The following ERG variants were observed in gnomAD, a reference collection of about 807,000 sequenced individuals.
ERG encodes ETS transcription factor ERG, also known as transcriptional regulator ERG.
A neutral mutation model predicts 55.3 loss-of-function variants in ERG; 9 were observed. The observed-to-expected ratio is 0.16, with a 90% CI of 0.10 to 0.28. The LOEUF (loss-of-function observed/expected upper bound fraction) is 0.28, where lower values mean the gene tolerates loss of function less well. ERG is among the 10% of genes least tolerant of loss of function. The probability of loss-of-function intolerance (pLI) is 1.00; values close to 1 mark genes in which losing one functional copy is unlikely to be tolerated. For synonymous variants in ERG, 223 were observed against 237.3 expected (o/e 0.94, Z 0.55); for missense variants, 434 against 631.6 (o/e 0.69, Z 3.35).
chr21:38,494,317 G>C (rs1477699136), intron 1 of ERG, among the ~76,000 whole-genome samples: 3 of 152,318 alleles, frequency 2.0e-5, no homozygotes, highest in Middle Eastern at 6.8e-3. Flanking sequence ...GAACAGCCTG[G>C]AGACTGTCCC....
chr21:38,373,338 A>G, the ERG span, among the ~76,000 whole-genome samples: 1 of 152,202 alleles, frequency 6.6e-6, no homozygotes, highest in South Asian at 2.1e-4. Flanking sequence ...AAATTTCCCC[A>G]AGAACTTTGA....
Position 38,405,888 on chromosome 21 carries a change from C to T in ERG, c.389-2179G>A, listed in dbSNP as rs1318778026. Among the ~76,000 whole-genome samples, 4 of 152,180 alleles carry T rather than the reference C, an allele frequency of 2.6e-5. No homozygotes were observed. The East Asian group carries it at 7.7e-4, about 29-fold the overall frequency. On this transcript the variant is annotated intron_variant, in intron 3 of 9. Coordinates refer to ENST00000288319, the MANE Select transcript of ERG (RefSeq NM_182918.4). ...AGTGCACAGGCCAGGCGCGGTGGCTCACGCCTGTAATCCCAGCACTTTGGG... is the reference window on the plus strand; with the variant it reads ...AGTGCACAGGCCAGGCGCGGTGGCTTACGCCTGTAATCCCAGCACTTTGGG...
upstream of ERG, among the ~76,000 whole-genome samples, chr21:38,586,832 C>A (rs2060068617): frequency 6.6e-6 from 1 of 152,174 alleles, no homozygotes. Context: ...AAAGAGGTAC[C>A]AGCCCTCCCA....
At chr21:38,482,867 G>A (rs985732938) in intron 1 of ERG, among the ~76,000 whole-genome samples, 5 of 151,998 alleles carry the variant, frequency 3.3e-5, no homozygotes, top group Non-Finnish European at 5.9e-5. Context: ...TAGTAGAGAC[G>A]GGCTTTCACC....
chr21:38,507,182 T>G (rs1343078247), intron 2 of ERG, among the ~76,000 whole-genome samples: 6 of 152,096 alleles, frequency 3.9e-5, no homozygotes, highest in Non-Finnish European at 2.9e-5. Flanking sequence ...GGACCCTGAG[T>G]GCAGGGCTAA....
chr21:38,450,275 G>A (rs923456863), intron 1 of ERG, among the ~76,000 whole-genome samples: 2 of 152,036 alleles, frequency 1.3e-5, no homozygotes, highest in African/African-American at 4.8e-5. Flanking sequence ...CTACTCAAGA[G>A]GGTGAGGCAG....
chr21:38,653,935 T>C (rs1296467477), intron 1 of ERG, among the ~76,000 whole-genome samples: 1 of 152,260 alleles, frequency 6.6e-6, no homozygotes, highest in Non-Finnish European at 1.5e-5. Flanking sequence ...TGATGCTAAA[T>C]GCATTTACAA....
chr21:38,573,922 C>A (rs573858281), intron 2 of ERG, among the ~76,000 whole-genome samples: 1 of 152,332 alleles, frequency 6.6e-6, no homozygotes, highest in South Asian at 2.1e-4. Context: ...TAGTTCATTC[C>A]TGAAATCAAA....
chr21:38,392,433 C>T lies in ERG; in HGVS notation c.757G>A (p.Glu253Lys). 6.5e-7 allele frequency: 1 copy of T among 1,541,974 alleles called. No homozygotes were observed. Among genetic ancestry groups the T allele is most frequent in the South Asian group, 1.2e-5 (1 of 81,260 alleles). The change falls in exon 7 of 10, where the codon GAG becomes AAG. Residue 253 changes from glutamate (E) to lysine (K), a missense_variant. Around this residue, in one of 5 missense-constraint regions of ERG, gnomAD observed 99 missense variants for 145.6 expected, o/e 0.68. Transcript: ENST00000288319. ...GTCCAGGCTGATCTCCTGGGGGGCTCATATGGTAAATCTGTAAAGACAAAT... is the reference window on the plus strand; with the variant it reads ...GTCCAGGCTGATCTCCTGGGGGGCTTATATGGTAAATCTGTAAAGACAAAT... The part of the protein sequence containing the change: ...RITTRPDLPY[E>K]PPRRSAWTGH...
intron 1 of ERG, among the ~76,000 whole-genome samples, chr21:38,637,039 G>C (rs896923165): frequency 6.6e-6 from 1 of 152,180 alleles, no homozygotes; most frequent in African/African-American, 2.4e-5. Flanking sequence ...CCCAGTGGGA[G>C]GCAGGCTTGG....
chr21:38,608,087 T>C (rs2060206541), intron 1 of ERG, among the ~76,000 whole-genome samples: 1 of 152,234 alleles, frequency 6.6e-6, no homozygotes, highest in Non-Finnish European at 1.5e-5. Flanking sequence ...AAATATATTT[T>C]GTATATATTG....
chr21:38,405,909 T>C (rs1984300), intron 3 of ERG, among the ~76,000 whole-genome samples: 127,184 of 151,818 alleles, frequency 0.84, 54,546 homozygotes, highest in Non-Finnish European at 0.94. Flanking sequence ...TCCCAGCACT[T>C]TGGGAGGCCG....
chr21:38,453,309 T>C (rs2058958207), intron 1 of ERG, among the ~76,000 whole-genome samples: 1 of 152,216 alleles, frequency 6.6e-6, no homozygotes, highest in African/African-American at 2.4e-5. Flanking sequence ...GCAGAAACTC[T>C]AGAAATATTG....
At chr21:38,372,124 G>A in the ERG span, among the ~76,000 whole-genome samples, 2,467 of 152,036 alleles carry the variant, frequency 0.016, 37 homozygotes, top group Non-Finnish European at 0.025. Flanking sequence ...CAAACAAATA[G>A]GCATAAAGTA....
intron 1 of ERG, among the ~76,000 whole-genome samples, chr21:38,476,514 C>T (rs1003063452): frequency 5.9e-5 from 9 of 152,268 alleles, no homozygotes; most frequent in Middle Eastern, 3.4e-3. Context: ...CGGCTGATGA[C>T]GGCTCCAATG....
chr21:38,641,348 CTCAACAG>C (rs1477567524), intron 1 of ERG, among the ~76,000 whole-genome samples: 1 of 152,162 alleles, frequency 6.6e-6, no homozygotes, highest in Non-Finnish European at 1.5e-5. Flanking sequence ...AAAATGGGCC[CTCAACAG>C]ACAACAAACC....
At chr21:38,369,240 A>G in the ERG span, among the ~76,000 whole-genome samples, 4 of 152,224 alleles carry the variant, frequency 2.6e-5, no homozygotes, top group African/African-American at 9.6e-5. Context: ...CCAACAGTGT[A>G]TAAGCATTCC....
intron 1 of ERG, among the ~76,000 whole-genome samples, chr21:38,592,402 TCCTAGGCGCTGAGA>T (rs1417089612): frequency 6.6e-6 from 1 of 152,100 alleles, no homozygotes; most frequent in Non-Finnish European, 1.5e-5. Context: ...CCAGCTGCTC[TCCTAGGCGCTGAGA>T]CCCTGTGATG....
chr21:38,555,263 G>A (rs755501242), intron 2 of ERG, among the ~76,000 whole-genome samples: 30 of 151,828 alleles, frequency 2.0e-4, no homozygotes, highest in Admixed American at 2.0e-4. Flanking sequence ...GGAGACGGAG[G>A]CTGCAGTGAG....
Sources: allele counts gnomAD v4.1 joint callset (sites outside exome capture counted in the v4.1 genomes callset), GRCh38; gene constraint gnomAD v4.1.1; regional missense constraint gnomAD v4.1.1; transcripts MANE v1.5; gene names NCBI Gene and HGNC (gene_info 2026-07-23, HGNC 2026-07-21).